The following ITIH5 variants were observed in gnomAD, a reference collection of about 807,000 sequenced individuals.
ITIH5 encodes inter-alpha-trypsin inhibitor heavy chain H5.
ITIH5 carries 65 observed loss-of-function variants against 77.5 expected under a neutral mutation model. The observed-to-expected ratio is 0.84, with a 90% CI of 0.69 to 1.03. ITIH5 has a LOEUF of 1.03. ITIH5 is among the 50% of genes least tolerant of loss of function. The pLI is 0.00. For synonymous variants in ITIH5, 525 were observed against 494.3 expected (o/e 1.06, Z -0.82); for missense variants, 1,208 against 1,213.1 (o/e 1.00, Z 0.06).
intron 11 of ITIH5, among the ~76,000 whole-genome samples, chr10:7,570,649 G>C (rs1369248570): frequency 6.6e-6 from 1 of 152,082 alleles, no homozygotes; most frequent in East Asian, 1.9e-4. Context: ...TTGAGACAGG[G>C]TCCCACTCTG....
At chr10:7,599,694 C>T (rs1190244601) in intron 7 of ITIH5, among the ~76,000 whole-genome samples, 1 of 152,074 alleles carries the variant, frequency 6.6e-6, no homozygotes, top group Non-Finnish European at 1.5e-5. Context: ...ACATCGAGAA[C>T]ATGAAACACA....
chr10:7,613,249 AAAAAAAAAAAAAAAAAAAAAAGAAC>A (rs1269999728), intron 7 of ITIH5, among the ~76,000 whole-genome samples: 1 of 8,090 alleles, frequency 1.2e-4, no homozygotes, highest in African/African-American at 2.2e-4. Context: ...TCGTCTCAAA[AAAAAAAAAAAAAAAAAAAAAAGAAC>A]TTGTAGCCCA....
In ITIH5 at chr10:7,637,353, A is replaced by G. The variant is rs1833817148; in HGVS notation, c.527T>C (p.Val176Ala). The change falls in exon 5 of 14, where the codon GTG becomes GCG. Residue 176 changes from valine (V) to alanine (A), a missense_variant. Transcript: ENST00000397146. ...CCTCCCGGACAGCTGCTGGGGCCGCACGCTGATGCTGTGCTCGTACTTGCC... is the reference window on the plus strand; with the variant it reads ...CCTCCCGGACAGCTGCTGGGGCCGCGCGCTGATGCTGTGCTCGTACTTGCC... ...RLGKYEHSIS[V>A]RPQQLSGRLS... 6.2e-7 allele frequency: 1 copy of G among 1,614,180 alleles called. No individual in the cohort carries two copies. Among genetic ancestry groups the G allele is most frequent in the East Asian group, 2.2e-5 (1 of 44,880 alleles).
In ITIH5 at chr10:7,559,955, G is replaced by A. The variant is rs779599514; in HGVS notation, c.*3128C>T. On this transcript the variant is annotated 3_prime_UTR_variant, in exon 14 of 14. Coordinates refer to ENST00000397146, the MANE Select transcript of ITIH5 (RefSeq NM_030569.7). The stretch of plus-strand genomic sequence containing the variant: ...CAAGTTCCGACTGCCTGGTTCAAGC[G>A]ATTCTCCTGCCTCAGCCTCCCAAGT... The A allele has an allele frequency of 1.4e-5, 6 of 419,648 alleles. No individual in the cohort carries two copies. Among genetic ancestry groups the A allele is most frequent in the South Asian group, 8.8e-5 (5 of 56,782 alleles). The allele number at this position is 419,648 out of a possible 1,614,324, so 26.0% of individuals were successfully genotyped here.
intron 2 of ITIH5, among the ~76,000 whole-genome samples, chr10:7,648,079 T>TAA (rs34969787): frequency 1.4e-5 from 2 of 143,748 alleles, no homozygotes; most frequent in Non-Finnish European, 3.1e-5. Context: ...CTGTCTCTAC[T>TAA]AAAAAAAAAA....
chr10:7,628,043 G>A (rs944791884), intron 5 of ITIH5, among the ~76,000 whole-genome samples: 2 of 151,958 alleles, frequency 1.3e-5, no homozygotes, highest in Non-Finnish European at 1.5e-5. Context: ...GTTTCGCCAT[G>A]TTGGCCAGGC....
At chr10:7,604,914 C>T (rs1588392884) in intron 7 of ITIH5, among the ~76,000 whole-genome samples, 1 of 152,102 alleles carries the variant, frequency 6.6e-6, no homozygotes, top group Non-Finnish European at 1.5e-5. Context: ...CTCTGCCTCC[C>T]GGGTTCAAGC....
At chr10:7,568,122 T>C (rs564405670) in intron 12 of ITIH5, among the ~76,000 whole-genome samples, 59 of 152,300 alleles carry the variant, frequency 3.9e-4, no homozygotes, top group African/African-American at 1.3e-3. Flanking sequence ...AGATGGCGAT[T>C]GCACTTGAGA....
chr10:7,651,443 C>T (rs1373095216), intron 2 of ITIH5, among the ~76,000 whole-genome samples: 3 of 151,910 alleles, frequency 2.0e-5, no homozygotes, highest in Admixed American at 6.6e-5. Flanking sequence ...ATTAGCCGAG[C>T]GCGATGATGC....
At chr10:7,574,837 G>A (rs1564237678) in intron 10 of ITIH5, among the ~76,000 whole-genome samples, 1 of 147,266 alleles carries the variant, frequency 6.8e-6, no homozygotes. Context: ...CTTTCGAGTA[G>A]TCAGTTGGTT....
intron 9 of ITIH5, among the ~76,000 whole-genome samples, chr10:7,578,026 A>G (rs1179707594): frequency 6.6e-6 from 1 of 152,216 alleles, no homozygotes; most frequent in Middle Eastern, 3.2e-3. Context: ...ATATTTGCTT[A>G]CAATCCATGC....
At chr10:7,575,719 C>G (rs191511611) in intron 10 of ITIH5, among the ~76,000 whole-genome samples, 17 of 152,012 alleles carry the variant, frequency 1.1e-4, no homozygotes, top group Non-Finnish European at 1.5e-5. Context: ...CACATGCTCT[C>G]GGGGAAATAA....
At chr10:7,608,727 G>A (rs529444886) in intron 7 of ITIH5, among the ~76,000 whole-genome samples, 64 of 152,302 alleles carry the variant, frequency 4.2e-4, no homozygotes, top group African/African-American at 1.2e-3. Flanking sequence ...CCATCTGCAC[G>A]CACACTCGGA....
intron 7 of ITIH5, 66 bp from the exon 8 acceptor site, chr10:7,586,135 G>C (rs1465059917): frequency 2.9e-6 from 4 of 1,398,596 alleles, no homozygotes; most frequent in Non-Finnish European, 3.8e-6. Context: ...CCCTGTTCTA[G>C]AAACCGCCCC....
chr10:7,583,562 G>A (rs965757189), intron 8 of ITIH5, among the ~76,000 whole-genome samples: 11 of 152,146 alleles, frequency 7.2e-5, no homozygotes, highest in South Asian at 2.1e-4. Context: ...TCGAGCTCCC[G>A]AGCTCAGGCA....
intron 12 of ITIH5, among the ~76,000 whole-genome samples, chr10:7,566,896 GA>G (rs1208617646): frequency 2.5e-5 from 3 of 120,662 alleles, no homozygotes; most frequent in Admixed American, 8.6e-5. Context: ...AGAAGAAGAA[GA>G]AGAAGAAGAA....
At chr10:7,629,521 G>GTGTTGTGGCGTGTGTCCA (rs750669506) in intron 5 of ITIH5, among the ~76,000 whole-genome samples, 16 of 87,312 alleles carry the variant, frequency 1.8e-4, no homozygotes, top group African/African-American at 4.4e-4. Flanking sequence ...GCGTGTGTCC[G>GTGTTGTGGCGTGTGTCCA]TGTTGCAGCG....
In ITIH5 at chr10:7,561,699, T is replaced by A. The variant is rs896269169; in HGVS notation, c.*1384A>T. The A allele has an allele frequency of 6.6e-6, 1 of 152,148 alleles. No homozygotes were observed. The highest frequency in any genetic ancestry group is 1.5e-5 in the Non-Finnish European group (1 of 68,026). The allele number at this position is 152,148 out of a possible 1,614,324, so 9.4% of individuals were successfully genotyped here. ...AATGTTTCCCCAGGGAAGGCAAACA[T>A]GATAAAGAATTTTCTTAACTCAGCT... On this transcript the variant is annotated 3_prime_UTR_variant, in exon 14 of 14. Coordinates refer to ENST00000397146, the MANE Select transcript of ITIH5 (RefSeq NM_030569.7).
intron 7 of ITIH5, among the ~76,000 whole-genome samples, chr10:7,608,954 G>A (rs140532656): frequency 1.1e-3 from 167 of 152,178 alleles, no homozygotes; most frequent in African/African-American, 3.8e-3. Context: ...TGTCCTTCAC[G>A]TTACTTGGTG....
Sources: gnomAD v4.1 joint callset for allele counts (sites outside exome capture counted in the v4.1 genomes callset) on GRCh38, gnomAD v4.1.1 for gene constraint, MANE v1.5 for transcripts, NCBI Gene and HGNC (gene_info 2026-07-23, HGNC 2026-07-21) for gene names.